TMPRSS15: variants seen among roughly 807,000 people sequenced by gnomAD.
TMPRSS15 encodes transmembrane serine protease 15.
Under a neutral mutation model 125.3 loss-of-function variants are expected in TMPRSS15, and 128 were observed. The ratio of observed to expected loss-of-function variants is 1.02; its 90% CI spans 0.89 to 1.18. TMPRSS15 has a LOEUF of 1.18. Ranked by LOEUF, TMPRSS15 falls within the 50% of genes most tolerant of loss-of-function variation. The pLI, the probability that TMPRSS15 is intolerant of heterozygous loss-of-function variation, is 0.00. For synonymous variants in TMPRSS15, 446 were observed against 423.2 expected (o/e 1.05, Z -0.66); for missense variants, 1,283 against 1,212.7 (o/e 1.06, Z -0.86).
At chr21:18,381,165 G>A (rs2075889487) in intron 4 of TMPRSS15, among the ~76,000 whole-genome samples, 1 of 152,068 alleles carries the variant, frequency 6.6e-6, no homozygotes, top group Non-Finnish European at 1.5e-5. Context: ...TGGTGAATTT[G>A]TTTTTATTCA....
intron 18 of TMPRSS15, among the ~76,000 whole-genome samples, chr21:18,310,581 T>A (rs1056283756): frequency 1.3e-5 from 2 of 151,838 alleles, no homozygotes; most frequent in African/African-American, 2.4e-5. Context: ...ATGAAAAGCA[T>A]CCTATACTCA....
At chr21:18,305,183 CT>C (rs59103494) in intron 18 of TMPRSS15, among the ~76,000 whole-genome samples, 42 of 86,052 alleles carry the variant, frequency 4.9e-4, no homozygotes, top group East Asian at 4.9e-3. Context: ...AATTTCCGTA[CT>C]TTTTTTTTTT....
At position 18,403,759 on chromosome 21, in the gene TMPRSS15, T is replaced by A; in HGVS notation, c.-137A>T. 1 of 1,082,082 alleles carries A rather than the reference T, an allele frequency of 9.2e-7. No individual in the cohort carries two copies. Among genetic ancestry groups the A allele is most frequent in the Non-Finnish European group, 1.4e-6 (1 of 731,254 alleles). The allele number at this position is 1,082,082 out of a possible 1,614,324, so 67.0% of individuals were successfully genotyped here. A position where few individuals can be genotyped will look rare whatever the true frequency, so the allele number is the denominator to read the frequency against. On this transcript the variant is annotated 5_prime_UTR_variant, in exon 1 of 25. Transcript: ENST00000284885. ...CTGTCTACATGCATACCAGTCAGTG[T>A]AAGTGAGTTGTGTATGTCTCTTTGG... is the stretch of plus-strand genomic sequence containing the variant.
chr21:18,379,432 G>A lies in TMPRSS15; in HGVS notation c.497-114C>T, dbSNP rs190119022. On this transcript the variant is annotated intron_variant, in intron 4 of 24. Transcript: ENST00000284885. ...ACCTAAGAATTTTAAAAGTTATTAC[G>A]CATTATTAGTGTCCATTTAGAAGTA... 367 of 408,720 alleles carry A rather than the reference G, an allele frequency of 9.0e-4. 1 individual carries two copies. Among genetic ancestry groups the A allele is most frequent in the Non-Finnish European group, 5.8e-4 (136 of 232,964 alleles). 25.3% of individuals were successfully genotyped at this position (408,720 alleles called of 1,614,324 possible).
At chr21:18,458,602 T>A (rs1978487324) in intron 1 of TMPRSS15, among the ~76,000 whole-genome samples, 1 of 152,170 alleles carries the variant, frequency 6.6e-6, no homozygotes, top group South Asian at 2.1e-4. Context: ...GCTGCTAGAC[T>A]TGTGAGAGAT....
At chr21:18,280,931 A>C in intron 22 of TMPRSS15, 109 bp downstream of exon 22, 4 of 1,208,266 alleles carry the variant, frequency 3.3e-6, no homozygotes, top group Non-Finnish European at 4.8e-6. Flanking sequence ...TTTATGTAAC[A>C]AATTATCTAG....
intron 3 of TMPRSS15, among the ~76,000 whole-genome samples, chr21:18,395,210 T>G (rs985367190): frequency 1.3e-5 from 2 of 152,124 alleles, no homozygotes; most frequent in African/African-American, 4.8e-5. Context: ...CAGCAAACAC[T>G]GCTTGGACAA....
At chr21:18,366,535 T>C (rs2075739776) in intron 6 of TMPRSS15, among the ~76,000 whole-genome samples, 1 of 152,208 alleles carries the variant, frequency 6.6e-6, no homozygotes, top group Admixed American at 6.5e-5. Flanking sequence ...AAAATCTTCT[T>C]GAAGGCATGA....
intron 7 of TMPRSS15, among the ~76,000 whole-genome samples, chr21:18,360,859 C>T (rs1221525849): frequency 3.3e-5 from 5 of 152,056 alleles, no homozygotes; most frequent in African/African-American, 1.2e-4. Flanking sequence ...ATCTGTACAT[C>T]ACTTTCGGTA....
chr21:18,387,206 G>A (rs2824792), intron 3 of TMPRSS15, among the ~76,000 whole-genome samples: 12,665 of 152,094 alleles, frequency 0.083, 575 homozygotes, highest in African/African-American at 0.11. Context: ...GTAATGAAAT[G>A]AGAATTCTTC....
intron 10 of TMPRSS15, among the ~76,000 whole-genome samples, chr21:18,348,621 A>G (rs2075533581): frequency 6.6e-6 from 1 of 152,200 alleles, no homozygotes; most frequent in Non-Finnish European, 1.5e-5. Context: ...ATCACAGGAA[A>G]GATAGGAAAA....
chr21:18,279,444 G>C (rs983455412), intron 22 of TMPRSS15, among the ~76,000 whole-genome samples: 5 of 145,690 alleles, frequency 3.4e-5, no homozygotes, highest in African/African-American at 1.2e-4. Context: ...TCCTGCCTCA[G>C]CTTCCCGAGT....
Position 18,295,041 on chromosome 21 carries a change from C to T in TMPRSS15, c.2262-389G>A, listed in dbSNP as rs116570821. Among the ~76,000 whole-genome samples the T allele has an allele frequency of 5.1e-3, 783 of 152,184 alleles. 5 individuals are homozygous for T. The highest frequency in any genetic ancestry group is 0.018 in the African/African-American group (744 of 41,508). On this transcript the variant is annotated intron_variant, in intron 19 of 24. Transcript: ENST00000284885. Reference sequence around the variant, plus strand: ...ATAGATATTGTTATGTTACTTGAACCGACATTGGTTTTCATCATTCTATAA... The same window carrying T: ...ATAGATATTGTTATGTTACTTGAACTGACATTGGTTTTCATCATTCTATAA...
At chr21:18,419,143 C>T (rs2076186516) in intron 1 of TMPRSS15, among the ~76,000 whole-genome samples, 1 of 151,956 alleles carries the variant, frequency 6.6e-6, no homozygotes, top group Non-Finnish European at 1.5e-5. Flanking sequence ...TGTCACTTAC[C>T]GATTAAAACT....
At chr21:18,292,254 A>C (rs1448100376) in intron 21 of TMPRSS15, among the ~76,000 whole-genome samples, 1 of 152,198 alleles carries the variant, frequency 6.6e-6, no homozygotes, top group Non-Finnish European at 1.5e-5. Flanking sequence ...CCCCCATAGA[A>C]GAAAAACTTA....
At chr21:18,397,538 A>T (rs941773663) in intron 3 of TMPRSS15, among the ~76,000 whole-genome samples, 2 of 152,146 alleles carry the variant, frequency 1.3e-5, no homozygotes, top group African/African-American at 4.8e-5. Flanking sequence ...AGTATAAATG[A>T]AGCAGGGTGA....
intron 7 of TMPRSS15, among the ~76,000 whole-genome samples, chr21:18,364,866 G>A (rs999567196): frequency 2.6e-5 from 4 of 152,116 alleles, no homozygotes; most frequent in African/African-American, 7.2e-5. Context: ...TTGCCTGGCC[G>A]CACATGAATA....
intron 21 of TMPRSS15, among the ~76,000 whole-genome samples, chr21:18,293,858 G>A (rs1221824369): frequency 6.6e-6 from 1 of 152,024 alleles, no homozygotes; most frequent in Non-Finnish European, 1.5e-5. Context: ...TGTAATTTGA[G>A]GGCTACCTAA....
In TMPRSS15 at chr21:18,281,025, ATTT is replaced by A. The variant is rs3215891; in HGVS notation, c.2668+12_2668+14del. The A allele has an allele frequency of 2.2e-6, 3 of 1,350,570 alleles. No homozygotes were observed. The highest frequency in any genetic ancestry group is 2.8e-5 in the African/African-American group (2 of 71,334). The allele number at this position is 1,350,570 out of a possible 1,614,324, so 83.7% of individuals were successfully genotyped here. The stretch of plus-strand genomic sequence containing the variant: ...TTGGCAGATAAGATGACTAAGAGTG[ATTT>A]TTTTTTTTTACCTGTGTAATTCACT... On this transcript the variant is annotated intron_variant, in intron 22 of 24. Coordinates refer to ENST00000284885, the MANE Select transcript of TMPRSS15 (RefSeq NM_002772.3).
Sources: gnomAD v4.1 joint callset for allele counts (sites outside exome capture counted in the v4.1 genomes callset) on GRCh38, gnomAD v4.1.1 for gene constraint, MANE v1.5 for transcripts, NCBI Gene and HGNC (gene_info 2026-07-23, HGNC 2026-07-21) for gene names.